SLC38A6: variants seen among roughly 807,000 people sequenced by gnomAD.
SLC38A6 encodes N system amino acid transporter NAT-1.
A neutral mutation model predicts 65.0 loss-of-function variants in SLC38A6; 73 were observed. The ratio of observed to expected loss-of-function variants is 1.12; its 90% CI spans 0.93 to 1.37. The LOEUF (loss-of-function observed/expected upper bound fraction) is 1.37. Among genes scored for constraint, SLC38A6 ranks in the 40% most tolerant of loss-of-function variants. The probability of loss-of-function intolerance (pLI) is 0.00; values close to 1 mark genes in which losing one functional copy is unlikely to be tolerated. For synonymous variants in SLC38A6, 183 were observed against 178.8 expected (o/e 1.02, Z -0.19); for missense variants, 561 against 531.1 (o/e 1.06, Z -0.55).
chr14:61,013,563 C>G (rs2039751376), intron 3 of SLC38A6, among the ~76,000 whole-genome samples: 1 of 152,102 alleles, frequency 6.6e-6, no homozygotes, highest in African/African-American at 2.4e-5. Flanking sequence ...TTCAGGAGCT[C>G]TTGTAGGGCG....
At chr14:61,027,975 A>G (rs1371555928) in intron 5 of SLC38A6, among the ~76,000 whole-genome samples, 2 of 151,808 alleles carry the variant, frequency 1.3e-5, no homozygotes, top group Non-Finnish European at 2.9e-5. Flanking sequence ...TCTTTGAGAG[A>G]GAAACACGTT....
chr14:61,040,963 AT>A (rs2041771251), intron 8 of SLC38A6, among the ~76,000 whole-genome samples: 1 of 152,184 alleles, frequency 6.6e-6, no homozygotes, highest in East Asian at 1.9e-4. Context: ...ATAAATAAGT[AT>A]TGATATATTT....
chr14:61,065,142 C>G (rs1301558043), intron 15 of SLC38A6, among the ~76,000 whole-genome samples: 1 of 151,992 alleles, frequency 6.6e-6, no homozygotes, highest in Non-Finnish European at 1.5e-5. Flanking sequence ...GCTTTTCCAT[C>G]TAGAAGCAGG....
chr14:61,019,964 G>A (rs73311500), intron 5 of SLC38A6, among the ~76,000 whole-genome samples: 30 of 152,176 alleles, frequency 2.0e-4, no homozygotes, highest in Non-Finnish European at 3.7e-4. Context: ...TTAGTGTTCC[G>A]TGGGCTGTGA....
intron 3 of SLC38A6, among the ~76,000 whole-genome samples, chr14:60,998,556 C>T (rs1026987309): frequency 7.9e-5 from 12 of 152,166 alleles, no homozygotes; most frequent in Admixed American, 7.9e-4. Flanking sequence ...CCACATTCAC[C>T]ATCCTTCAAA....
chr14:60,992,295 A>G (rs965750088), intron 3 of SLC38A6, among the ~76,000 whole-genome samples: 1 of 152,158 alleles, frequency 6.6e-6, no homozygotes, highest in Non-Finnish European at 1.5e-5. Flanking sequence ...CTTATCTTTC[A>G]TCTTTAATGG....
At chr14:61,067,571 A>ATTACACTT (rs1380533970) in intron 15 of SLC38A6, among the ~76,000 whole-genome samples, 1 of 152,210 alleles carries the variant, frequency 6.6e-6, no homozygotes, top group Admixed American at 6.5e-5. Context: ...TAGCAATGAC[A>ATTACACTT]TTACACTTTT....
chr14:61,005,550 A>C (rs1178059666), intron 3 of SLC38A6, among the ~76,000 whole-genome samples: 1 of 151,758 alleles, frequency 6.6e-6, no homozygotes, highest in East Asian at 1.9e-4. Context: ...AGACAAACAG[A>C]GAGCCAAATC....
Position 61,037,074 on chromosome 14 carries a change from T to C in SLC38A6, c.498T>C (p.Asp166=). Residue 166 remains aspartate (D), a synonymous_variant, in exon 7 of 16, where the codon GAT becomes GAC. Transcript: ENST00000267488. Reference sequence around the variant, plus strand: ...TTTATAATAGATATTGGTATCTTGATGGACAAACACTACTAATAATCATAT... The same window carrying C: ...TTTATAATAGATATTGGTATCTTGACGGACAAACACTACTAATAATCATAT... ...TGDYSRYWYL[D]GQTLLIIICV... is the part of the protein sequence containing the mutation. The C allele has an allele frequency of 6.2e-7, 1 of 1,612,352 alleles. No individual in the cohort carries two copies. The highest frequency in any genetic ancestry group is 8.5e-7 in the Non-Finnish European group (1 of 1,179,312).
At chr14:61,062,865 G>C (rs1490575814) in intron 15 of SLC38A6, among the ~76,000 whole-genome samples, 1 of 152,142 alleles carries the variant, frequency 6.6e-6, no homozygotes, top group Non-Finnish European at 1.5e-5. Context: ...ATTTTTAGTA[G>C]ATAGGGTTTC....
At chr14:61,012,661 C>G (rs2039669581) in intron 3 of SLC38A6, among the ~76,000 whole-genome samples, 1 of 152,194 alleles carries the variant, frequency 6.6e-6, no homozygotes, top group Non-Finnish European at 1.5e-5. Context: ...CATTCAGGAG[C>G]AGGTTGTTCA....
Position 61,052,519 on chromosome 14 carries a change from A to G in SLC38A6, c.*90A>G. Reference sequence around the variant, plus strand: ...GAAGACACCCTGGATGAAAAATAACATTTTAATAAAAATTATTAACAGAAA... The same window carrying G: ...GAAGACACCCTGGATGAAAAATAACGTTTTAATAAAAATTATTAACAGAAA... On this transcript the variant is annotated 3_prime_UTR_variant, in exon 16 of 16. Transcript: ENST00000267488. 1 of 1,444,828 alleles carries G rather than the reference A, an allele frequency of 6.9e-7. No individual in the cohort carries two copies. 89.5% of individuals were successfully genotyped at this position (1,444,828 alleles called of 1,614,324 possible).
chr14:60,984,815 T>C lies in SLC38A6; in HGVS notation c.310+12T>C. The C allele has an allele frequency of 6.2e-7, 1 of 1,612,192 alleles. No individual in the cohort carries two copies. Among genetic ancestry groups the C allele is most frequent in the Non-Finnish European group, 8.5e-7 (1 of 1,178,504 alleles). On this transcript the variant is annotated intron_variant, in intron 3 of 15. Transcript: ENST00000267488. Reference sequence around the variant, plus strand: ...GTGTATTCAGACAGGTGAGTAAAAATGTTATGCTGCTTCATTTAATAAAGG... The same window carrying C: ...GTGTATTCAGACAGGTGAGTAAAAACGTTATGCTGCTTCATTTAATAAAGG...
At chr14:61,073,032 A>T (rs2043282600) in intron 15 of SLC38A6, among the ~76,000 whole-genome samples, 2 of 152,058 alleles carry the variant, frequency 1.3e-5, no homozygotes, top group South Asian at 4.1e-4. Context: ...TTTTCTCCAC[A>T]TCCTCTCCGG....
intron 15 of SLC38A6, among the ~76,000 whole-genome samples, chr14:61,063,897 A>T (rs12588631): frequency 0.78 from 118,613 of 152,170 alleles, 50,490 homozygotes; most frequent in Non-Finnish European, 0.96. Context: ...TGCTCTGTAT[A>T]AATTAGGTGC....
chr14:61,007,320 T>TAA (rs142802850), intron 3 of SLC38A6, among the ~76,000 whole-genome samples: 2 of 149,900 alleles, frequency 1.3e-5, no homozygotes, highest in East Asian at 3.9e-4. Context: ...ACTTTAATAA[T>TAA]AATAAAATAA....
At chr14:61,001,668 A>G (rs1382974101) in intron 3 of SLC38A6, among the ~76,000 whole-genome samples, 1 of 152,284 alleles carries the variant, frequency 6.6e-6, no homozygotes, top group East Asian at 1.9e-4. Flanking sequence ...AGTCTAAATA[A>G]TAGCTTTTGG....
At chr14:61,005,320 A>G (rs935258181) in intron 3 of SLC38A6, among the ~76,000 whole-genome samples, 1 of 67,164 alleles carries the variant, frequency 1.5e-5, no homozygotes, top group Non-Finnish European at 5.2e-5. Context: ...TAGTGTTGGA[A>G]GTTCTGGCCA....
chr14:61,050,781 C>A, intron 13 of SLC38A6, 145 bp downstream of exon 13: 1 of 686,086 alleles, frequency 1.5e-6, no homozygotes, highest in Non-Finnish European at 2.1e-6. Context: ...AGACTTCATA[C>A]TTGCATATGG....
Sources: gnomAD v4.1 joint callset for allele counts (sites outside exome capture counted in the v4.1 genomes callset) on GRCh38, gnomAD v4.1.1 for gene constraint, MANE v1.5 for transcripts, NCBI Gene and HGNC (gene_info 2026-07-23, HGNC 2026-07-21) for gene names.